F2: variants seen among roughly 807,000 people sequenced by gnomAD.
F2 encodes the protein coagulation factor II, thrombin, also known as prothrombin.
F2 carries 34 observed loss-of-function variants against 81.9 expected under a neutral mutation model. The ratio of observed to expected loss-of-function variants is 0.42; its 90% CI spans 0.32 to 0.55. The LOEUF is 0.55. Ranked by LOEUF, F2 falls within the 20% of genes least tolerant of loss-of-function variation. The pLI, the probability that F2 is intolerant of heterozygous loss-of-function variation, is 0.18. For missense variants in F2, 630 were observed against 833.4 expected (o/e 0.76, Z 3.00); for synonymous variants, 296 against 326.4 (o/e 0.91, Z 1.01).
intron 2 of F2, 188 bp from the exon 3 acceptor site, chr11:46,720,335 G>A: frequency 1.5e-6 from 1 of 671,644 alleles, no homozygotes; most frequent in Non-Finnish European, 2.6e-6. Flanking sequence ...TGTGTTGGAG[G>A]AACTCCCCTA....
In F2 at chr11:46,729,503, G is replaced by A; in HGVS notation, c.1596G>A (p.Glu532=). ...VLQVVNLPIV[E]RPVCKDSTRI... The stretch of plus-strand genomic sequence containing the variant: ...AGGTGGTGAACCTGCCCATTGTGGA[G>A]CGGCCGGTCTGCAAGGACTCCACCC... Residue 532 remains glutamate (E), a synonymous_variant, in exon 12 of 14, where the codon GAG becomes GAA. Transcript: ENST00000311907. 1 of 1,614,076 alleles carries A rather than the reference G, an allele frequency of 6.2e-7. No individual in the cohort carries two copies. The highest frequency in any genetic ancestry group is 8.5e-7 in the Non-Finnish European group (1 of 1,179,972).
chr11:46,721,698 CTTTG>C (rs2064837451), intron 4 of F2, among the ~76,000 whole-genome samples: 1 of 152,148 alleles, frequency 6.6e-6, no homozygotes, highest in African/African-American at 2.4e-5. Flanking sequence ...AAATGGAACT[CTTTG>C]TTTATTTATA....
intron 12 of F2, among the ~76,000 whole-genome samples, chr11:46,734,072 C>T (rs922173674): frequency 2.0e-5 from 3 of 151,772 alleles, no homozygotes; most frequent in South Asian, 2.1e-4. Flanking sequence ...AGGCATGAGC[C>T]ACCACGCCTG....
At chr11:46,735,269 C>T (rs936750414) in intron 12 of F2, among the ~76,000 whole-genome samples, 2 of 151,492 alleles carry the variant, frequency 1.3e-5, no homozygotes, top group Non-Finnish European at 2.9e-5. Context: ...GTGAAACCCT[C>T]GTCTCTACTA....
chr11:46,727,230 C>A lies in F2; in HGVS notation c.1130+393C>A, dbSNP rs578092683. ...AGAGACAGGGTTTCACCATGTTGGC[C>A]AGGCTGGTCTTGAACTCCTGACCTC... On this transcript the variant is annotated intron_variant, in intron 9 of 13. Coordinates refer to ENST00000311907, the MANE Select transcript of F2 (RefSeq NM_000506.5). 5.9e-5 allele frequency among the ~76,000 whole-genome samples: 9 copies of A among 152,216 alleles called. No individual in the cohort carries two copies. The East Asian group carries it at 1.8e-3, about 30-fold the overall frequency.
intron 12 of F2, among the ~76,000 whole-genome samples, chr11:46,738,015 C>T (rs2064954867): frequency 2.0e-5 from 3 of 150,126 alleles, no homozygotes; most frequent in Admixed American, 2.0e-4. Context: ...TTTTTTTTTT[C>T]GAGACAGAGT....
intron 4 of F2, among the ~76,000 whole-genome samples, chr11:46,721,088 A>G (rs1484412443): frequency 2.0e-5 from 3 of 151,982 alleles, no homozygotes; most frequent in Non-Finnish European, 2.9e-5. Context: ...TCTGTTGCCC[A>G]GGCTGGAGTG....
In F2 at chr11:46,726,356, T is replaced by C; in HGVS notation, c.875-142T>C. Reference sequence around the variant, plus strand: ...TAAGTACACTGAGGCCCCAGGAGGTTATTGCCTAGTAGCCCAACTGTGCAT... The same window carrying C: ...TAAGTACACTGAGGCCCCAGGAGGTCATTGCCTAGTAGCCCAACTGTGCAT... On this transcript the variant is annotated intron_variant, in intron 7 of 13. Transcript: ENST00000311907. The surrounding 1 kb of genome is among the most constrained non-coding windows in gnomAD (Gnocchi z 5.9). The C allele has an allele frequency of 6.7e-7, 1 of 1,482,404 alleles. No individual in the cohort carries two copies. The highest frequency in any genetic ancestry group is 9.2e-7 in the Non-Finnish European group (1 of 1,091,050). 91.8% of individuals were successfully genotyped at this position (1,482,404 alleles called of 1,614,324 possible). A position where few individuals can be genotyped will look rare whatever the true frequency, so the allele number is the denominator to read the frequency against.
rs113406770 is a variant in F2 at position 46,739,396 on chromosome 11, G to C, written c.1857G>C (p.Gln619His). 1 of 1,614,168 alleles carries C rather than the reference G, an allele frequency of 6.2e-7. No individual in the cohort carries two copies. The highest frequency in any genetic ancestry group is 2.2e-5 in the East Asian group (1 of 44,890). ...AGTGGATACAGAAGGTCATTGATCAGTTTGGAGAGTAGGGGGCCACTCATA... is the reference window on the plus strand; with the variant it reads ...AGTGGATACAGAAGGTCATTGATCACTTTGGAGAGTAGGGGGCCACTCATA... ...LKKWIQKVIDQFGE is the reference protein window; with the variant it reads ...LKKWIQKVIDHFGE The change falls in exon 14 of 14, where the codon CAG becomes CAC. Residue 619 changes from glutamine to histidine, a missense_variant. Physicochemically the swap from Gln to His is conservative, Grantham distance 24. Transcript: ENST00000311907.
At chr11:46,729,290 T>C in intron 11 of F2, 90 bp from the exon 12 acceptor site, 2 of 1,437,880 alleles carry the variant, frequency 1.4e-6, no homozygotes, top group Non-Finnish European at 1.9e-6. Context: ...AGCTCTGGCG[T>C]TTTAGATTCT....
chr11:46,720,710 A>G (rs1467873243), intron 3 of F2, 80 bp from the exon 4 acceptor site: 2 of 1,563,556 alleles, frequency 1.3e-6, no homozygotes, highest in Non-Finnish European at 8.8e-7. Flanking sequence ...TCTGTTTCTC[A>G]CCAACATCCC....
chr11:46,720,488 C>T (rs376262187), intron 2 of F2, 35 bp from the exon 3 acceptor site: 2 of 1,613,708 alleles, frequency 1.2e-6, no homozygotes, highest in Non-Finnish European at 8.5e-7. Flanking sequence ...AAAACAGGAG[C>T]TGCCGTAGCC....
At chr11:46,727,575 C>T (rs573350586) in intron 9 of F2, among the ~76,000 whole-genome samples, 7 of 152,002 alleles carry the variant, frequency 4.6e-5, no homozygotes, top group South Asian at 4.2e-4. Context: ...GGCAGGAGTT[C>T]GAGGCCAGCC....
rs1457044029 is a variant in F2, at chr11:46,728,068, C to T, written c.1203C>T (p.Val401=). 3.1e-6 allele frequency: 5 copies of T among 1,610,688 alleles called. No homozygotes were observed. The highest frequency in any genetic ancestry group is 4.2e-6 in the Non-Finnish European group (5 of 1,178,844). Reference sequence around the variant, plus strand: ...CCAGCCTCATCAGTGACCGCTGGGTCCTCACCGCCGCCCACTGCCTCCTGT... The same window carrying T: ...CCAGCCTCATCAGTGACCGCTGGGTTCTCACCGCCGCCCACTGCCTCCTGT... ...CGASLISDRW[V]LTAAHCLLYP... The change falls in exon 10 of 14, where the codon GTC becomes GTT. Residue 401 remains valine, a synonymous_variant. Transcript: ENST00000311907. This position sits in a 1 kb window ranked among gnomAD's most constrained non-coding sequence, Gnocchi z 5.1.
intron 12 of F2, among the ~76,000 whole-genome samples, chr11:46,736,658 G>A (rs868765470): frequency 2.6e-5 from 4 of 152,170 alleles, no homozygotes; most frequent in African/African-American, 7.2e-5. Flanking sequence ...CTGGATGTTC[G>A]ACTCGGCTTT....
intron 12 of F2, among the ~76,000 whole-genome samples, chr11:46,734,349 G>T (rs974908545): frequency 2.0e-5 from 3 of 151,574 alleles, no homozygotes; most frequent in African/African-American, 7.3e-5. Context: ...TGAGTTCTTC[G>T]TATTTATATT....
intron 12 of F2, among the ~76,000 whole-genome samples, chr11:46,735,844 C>T (rs931913556): frequency 6.6e-5 from 10 of 151,654 alleles, no homozygotes; most frequent in Non-Finnish European, 1.3e-4. Flanking sequence ...ATCGCTTGAA[C>T]CTGGGAGACG....
In F2 at chr11:46,728,778, T is replaced by C. The variant is rs200144348; in HGVS notation, c.1413T>C (p.Pro471=). Residue 471 remains proline (P), a synonymous_variant, in exon 11 of 14, where the codon CCT becomes CCC. Coordinates refer to ENST00000311907, the MANE Select transcript of F2 (RefSeq NM_000506.5). The surrounding 1 kb of genome is among the most constrained non-coding windows in gnomAD (Gnocchi z 5.1). ...TTGCCCTGATGAAGCTGAAGAAGCC[T>C]GTTGCCTTCAGTGACTACATTCACC... ...RDIALMKLKK[P]VAFSDYIHPV... is the part of the protein sequence containing the mutation. 1.2e-5 allele frequency: 19 copies of C among 1,614,214 alleles called. No homozygotes were observed. The East Asian group carries it at 4.0e-4, about 34-fold the overall frequency.
rs2064880670 is a variant in F2, at chr11:46,727,282, A to G, written c.1130+445A>G. ...AGTGATCCACCTGCCTCAGCCTCCCAAAGTGCCGGGATTACAGGCATGAGC... is the reference window on the plus strand; with the variant it reads ...AGTGATCCACCTGCCTCAGCCTCCCGAAGTGCCGGGATTACAGGCATGAGC... On this transcript the variant is annotated intron_variant, in intron 9 of 13. Transcript: ENST00000311907. Among the ~76,000 whole-genome samples the G allele has an allele frequency of 3.3e-5, 5 of 151,942 alleles. No homozygotes were observed. In the South Asian group the frequency reaches 1.0e-3, roughly 32 times the overall value.
Sources: allele counts gnomAD v4.1 joint callset (sites outside exome capture counted in the v4.1 genomes callset), GRCh38; gene constraint gnomAD v4.1.1; non-coding constraint Gnocchi (gnomAD v3.1); transcripts MANE v1.5; gene names NCBI Gene and HGNC (gene_info 2026-07-23, HGNC 2026-07-21).